KLC1: variants seen among roughly 807,000 people sequenced by gnomAD.
The protein encoded by KLC1 is kinesin light chain 1.
Under a neutral mutation model 84.2 loss-of-function variants are expected in KLC1, and 30 were observed. That is an observed-to-expected ratio of 0.36 (90% CI 0.27 to 0.48). The LOEUF is 0.48. Ranked by LOEUF, KLC1 falls within the 20% of genes least tolerant of loss-of-function variation. KLC1 has a pLI of 0.99. For missense variants in KLC1, 499 were observed against 805.4 expected, an observed-to-expected ratio of 0.62 and a Z score of 4.60; for synonymous variants, 289 against 293.3, an observed-to-expected ratio of 0.99 and a Z score of 0.15.
At chr14:103,659,952 G>A (rs746542775) in intron 3 of KLC1, among the ~76,000 whole-genome samples, 3 of 152,174 alleles carry the variant, frequency 2.0e-5, no homozygotes, top group Middle Eastern at 6.8e-3. Context: ...AAGCTCTCTG[G>A]TGTCTCTTTT....
In KLC1 at chr14:103,670,297, G is replaced by A. The variant is rs2080259298; in HGVS notation, c.987+14G>A. The A allele has an allele frequency of 7.0e-6, 11 of 1,577,992 alleles. No homozygotes were observed. The highest frequency in any genetic ancestry group is 9.5e-6 in the Non-Finnish European group (11 of 1,155,008). On this transcript the variant is annotated intron_variant, in intron 7 of 16. Transcript: ENST00000334553. ...ATCCGAGAAAAGGTACAAAAGAAGG[G>A]GGCAGTCGTTTTCTTTGAGATTTTT...
At chr14:103,658,845 G>A (rs2079040595) in intron 3 of KLC1, among the ~76,000 whole-genome samples, 1 of 151,134 alleles carries the variant, frequency 6.6e-6, no homozygotes, top group African/African-American at 2.4e-5. Flanking sequence ...TTTTAGTAGA[G>A]ATAGGGTTTC....
rs916378695 is a variant in KLC1, at chr14:103,694,681, G to T, written c.1848+2256G>T. On this transcript the variant is annotated intron_variant, in intron 15 of 16. Transcript: ENST00000334553. The surrounding 1 kb of genome is among the most constrained non-coding windows in gnomAD (Gnocchi z 4.5). ...AGGCTACGGGATGGAGGGGCGGTCT[G>T]TGAAACACCAGCCATCCCGTGAAAG... The T allele has an allele frequency of 7.0e-5, 69 of 985,354 alleles. No individual in the cohort carries two copies. Among genetic ancestry groups the T allele is most frequent in the Non-Finnish European group, 7.6e-5 (63 of 829,942 alleles). The allele number at this position is 985,354 out of a possible 1,614,324, so 61.0% of individuals were successfully genotyped here.
intron 1 of KLC1, among the ~76,000 whole-genome samples, chr14:103,634,542 T>A (rs952797504): frequency 2.6e-5 from 4 of 152,050 alleles, no homozygotes; most frequent in African/African-American, 7.2e-5. Context: ...AGAGACTGCA[T>A]CATATCGTTG....
chr14:103,654,478 A>T, intron 1 of KLC1, 86 bp from the exon 2 acceptor site: 1 of 1,055,840 alleles, frequency 9.5e-7, no homozygotes, highest in Non-Finnish European at 1.3e-6. Flanking sequence ...ATAAAATGTT[A>T]ATTAAAAAAT....
chr14:103,657,765 A>T lies in KLC1; in HGVS notation c.481A>T (p.Ile161Phe). ...TCAGCTAAAAAAATATGATGACGAC[A>T]TTTCCCCATCCGTGAGTGGCTCTGT... The part of the protein sequence containing the change: ...MNQLKKYDDD[I>F]SPSEDKDTDS... The change falls in exon 3 of 17, where the codon ATT becomes TTT. Residue 161 changes from isoleucine (I) to phenylalanine (F), a missense_variant. Physicochemically the swap from Ile to Phe is conservative, Grantham distance 21. Coordinates refer to ENST00000334553, the MANE Select transcript of KLC1 (RefSeq NM_001394837.1). The T allele has an allele frequency of 6.2e-7, 1 of 1,613,230 alleles. No individual in the cohort carries two copies. Among genetic ancestry groups the T allele is most frequent in the Non-Finnish European group, 8.5e-7 (1 of 1,179,336 alleles).
intron 5 of KLC1, among the ~76,000 whole-genome samples, chr14:103,664,967 A>G (rs753321522): frequency 7.2e-5 from 11 of 151,944 alleles, no homozygotes; most frequent in Non-Finnish European, 1.6e-4. Flanking sequence ...CACACACATC[A>G]CTGCTGGGTG....
intron 2 of KLC1, among the ~76,000 whole-genome samples, chr14:103,656,552 G>GT (rs2078855556): frequency 6.6e-6 from 1 of 152,190 alleles, no homozygotes; most frequent in Admixed American, 6.5e-5. Flanking sequence ...CTGGCCAGCG[G>GT]TTTCTGCTTT....
chr14:103,671,867 G>A (rs1329931817), intron 7 of KLC1, among the ~76,000 whole-genome samples: 3 of 152,190 alleles, frequency 2.0e-5, no homozygotes, highest in African/African-American at 7.2e-5. Flanking sequence ...TTTGGGGTGG[G>A]CTGGAGTTAA....
At chr14:103,670,340 T>A in intron 7 of KLC1, 57 bp downstream of exon 7, 2 of 352,194 alleles carry the variant, frequency 5.7e-6, no homozygotes, top group Non-Finnish European at 8.5e-6. Flanking sequence ...GTGTGTGTGG[T>A]TTTTTTTTTT....
intron 11 of KLC1, among the ~76,000 whole-genome samples, chr14:103,677,064 G>A (rs1401419894): frequency 1.3e-5 from 2 of 152,176 alleles, no homozygotes; most frequent in Non-Finnish European, 2.9e-5. Context: ...TACTGTCAGC[G>A]CAGACCAAGT....
chr14:103,682,019 T>G (rs1268096527), intron 13 of KLC1, among the ~76,000 whole-genome samples: 1 of 152,154 alleles, frequency 6.6e-6, no homozygotes, highest in Non-Finnish European at 1.5e-5. Flanking sequence ...GCATCAAGAT[T>G]TTTTTCAGTA....
At chr14:103,633,246 T>A (rs1354035836) in intron 1 of KLC1, among the ~76,000 whole-genome samples, 8 of 151,686 alleles carry the variant, frequency 5.3e-5, no homozygotes, top group Admixed American at 4.6e-4. Context: ...TTTAGTAGAG[T>A]CGGGGTTTCA....
At chr14:103,698,573 C>T (rs935748189) in intron 15 of KLC1, 5 of 582,826 alleles carry the variant, frequency 8.6e-6, no homozygotes, top group Non-Finnish European at 1.5e-5. Flanking sequence ...ACCCAGCAAG[C>T]GGGCCTGTCC....
chr14:103,690,571 C>G (rs951341181), intron 14 of KLC1, among the ~76,000 whole-genome samples: 8 of 152,250 alleles, frequency 5.3e-5, no homozygotes, highest in African/African-American at 1.9e-4. Flanking sequence ...CCCCTCAAGC[C>G]TGTGCCTCAG....
At chr14:103,647,325 G>A (rs2078021751) in intron 1 of KLC1, among the ~76,000 whole-genome samples, 1 of 151,986 alleles carries the variant, frequency 6.6e-6, no homozygotes, top group Admixed American at 6.6e-5. Flanking sequence ...CCAGGTTCAA[G>A]CGATTCTCCT....
At chr14:103,684,264 T>C (rs962167575) in intron 13 of KLC1, among the ~76,000 whole-genome samples, 3 of 152,234 alleles carry the variant, frequency 2.0e-5, no homozygotes, top group African/African-American at 7.2e-5. Context: ...ATACAGATAA[T>C]AACGATGACT....
intron 15 of KLC1, chr14:103,696,835 G>A (rs1228357211): frequency 1.0e-6 from 1 of 985,312 alleles, no homozygotes; most frequent in East Asian, 1.1e-4. Flanking sequence ...CCCTGGCCTG[G>A]AACTGTGCTC....
intron 12 of KLC1, among the ~76,000 whole-genome samples, chr14:103,678,388 A>C: frequency 6.6e-6 from 1 of 152,368 alleles, no homozygotes; most frequent in East Asian, 1.9e-4. Flanking sequence ...GGACATCATC[A>C]AGAAAGTGAA....
Sources: gnomAD v4.1 joint callset for allele counts (sites outside exome capture counted in the v4.1 genomes callset) on GRCh38, gnomAD v4.1.1 for gene constraint, Gnocchi (gnomAD v3.1) non-coding constraint, MANE v1.5 for transcripts, NCBI Gene and HGNC (gene_info 2026-07-23, HGNC 2026-07-21) for gene names.